Variants in ETV6 observed in about 807,000 individuals in gnomAD.
The protein encoded by ETV6 is ETS variant transcription factor 6.
ETV6 carries 16 observed loss-of-function variants against 51.1 expected under a neutral mutation model. The observed-to-expected ratio is 0.31, with a 90% CI of 0.21 to 0.48. The LOEUF (loss-of-function observed/expected upper bound fraction) is 0.48. ETV6 is among the 20% of genes least tolerant of loss of function. The probability of loss-of-function intolerance (pLI) is 0.99; values close to 1 mark genes in which losing one functional copy is unlikely to be tolerated. For synonymous variants in ETV6, 240 were observed against 224.1 expected, an observed-to-expected ratio of 1.07 and a Z score of -0.64; for missense variants, 458 against 594.8, an observed-to-expected ratio of 0.77 and a Z score of 2.39.
intron 2 of ETV6, among the ~76,000 whole-genome samples, chr12:11,755,518 T>C (rs892911465): frequency 3.9e-5 from 6 of 152,176 alleles, no homozygotes; most frequent in African/African-American, 1.4e-4. Flanking sequence ...CAAATGAGGC[T>C]GAGCTTCTGT....
In ETV6 at chr12:11,784,862, A is replaced by ATTTTTTTTTTTTTTTTTTTT. The variant is rs34004409; in HGVS notation, c.163+32288_163+32307dup. Reference sequence around the variant, plus strand: ...CAAGTGTGCACCCCGTGCCTTGCTAATTTTTTTTTTTTTTTTTTTTTTTTG... The same window carrying ATTTTTTTTTTTTTTTTTTTT: ...CAAGTGTGCACCCCGTGCCTTGCTAATTTTTTTTTTTTTTTTTTTTTTTTTTTTTTTTTTTTTTTTTTTTG... On this transcript the variant is annotated intron_variant, in intron 2 of 7. Coordinates refer to ENST00000396373, the MANE Select transcript of ETV6 (RefSeq NM_001987.5). Among the ~76,000 whole-genome samples, 23 of 85,758 alleles carry ATTTTTTTTTTTTTTTTTTTT rather than the reference A, an allele frequency of 2.7e-4. 3 individuals are homozygous for ATTTTTTTTTTTTTTTTTTTT. Among genetic ancestry groups the ATTTTTTTTTTTTTTTTTTTT allele is most frequent in the African/African-American group, 1.0e-3 (21 of 21,012 alleles). The allele number at this position is 85,758 out of a possible 152,430, so 56.3% of individuals were successfully genotyped here. A position where few individuals can be genotyped will look rare whatever the true frequency, so the allele number is the denominator to read the frequency against.
chr12:11,706,925 T>C (rs963363475), intron 1 of ETV6, among the ~76,000 whole-genome samples: 2 of 152,228 alleles, frequency 1.3e-5, no homozygotes, highest in Non-Finnish European at 2.9e-5. Flanking sequence ...TACTGTCAGG[T>C]AGACCTCTCT....
chr12:11,808,918 C>T (rs1241229654), intron 2 of ETV6, among the ~76,000 whole-genome samples: 2 of 152,174 alleles, frequency 1.3e-5, no homozygotes, highest in East Asian at 3.9e-4. Context: ...AATCCCAGCA[C>T]TTTGGGAGGC....
intron 3 of ETV6, among the ~76,000 whole-genome samples, chr12:11,841,889 C>T (rs922026797): frequency 3.3e-5 from 5 of 151,774 alleles, no homozygotes; most frequent in East Asian, 1.9e-4. Flanking sequence ...GAGACCATCC[C>T]GGCTAAAACG....
chr12:11,880,756 C>T (rs1187140054), intron 5 of ETV6, among the ~76,000 whole-genome samples: 4 of 152,080 alleles, frequency 2.6e-5, no homozygotes, highest in Non-Finnish European at 5.9e-5. Flanking sequence ...TAAAAGACAA[C>T]CAGGTCGTTT....
chr12:11,829,547 T>G (rs1486887474), intron 2 of ETV6, among the ~76,000 whole-genome samples: 2 of 152,162 alleles, frequency 1.3e-5, no homozygotes, highest in Non-Finnish European at 2.9e-5. Context: ...GAAGCAAAAA[T>G]GAGAAGAACT....
At chr12:11,700,326 C>T (rs1247068500) in intron 1 of ETV6, among the ~76,000 whole-genome samples, 1 of 152,190 alleles carries the variant, frequency 6.6e-6, no homozygotes, top group Non-Finnish European at 1.5e-5. Context: ...ATAGCCTTCA[C>T]CCTAGTAGTG....
chr12:11,730,949 C>T (rs1865584150), intron 1 of ETV6, among the ~76,000 whole-genome samples: 1 of 152,162 alleles, frequency 6.6e-6, no homozygotes, highest in South Asian at 2.1e-4. Flanking sequence ...ACATGTTCCC[C>T]AGTGTAACCC....
intron 1 of ETV6, among the ~76,000 whole-genome samples, chr12:11,734,512 T>C (rs11054433): frequency 0.44 from 59,588 of 136,702 alleles, 12,554 homozygotes; most frequent in African/African-American, 0.54. Flanking sequence ...GGGGCTGAGA[T>C]GAGCAAAAAA....
At chr12:11,718,398 G>A (rs1272256795) in intron 1 of ETV6, among the ~76,000 whole-genome samples, 1 of 152,158 alleles carries the variant, frequency 6.6e-6, no homozygotes, top group Non-Finnish European at 1.5e-5. Context: ...GGGACTTGGT[G>A]CAGAATGTAG....
At chr12:11,714,875 A>T (rs1261789844) in intron 1 of ETV6, among the ~76,000 whole-genome samples, 1 of 152,118 alleles carries the variant, frequency 6.6e-6, no homozygotes, top group East Asian at 1.9e-4. Context: ...GTTAGAAGGC[A>T]GTTAAAGGGT....
chr12:11,818,064 G>A (rs1345184641), intron 2 of ETV6, among the ~76,000 whole-genome samples: 1 of 152,202 alleles, frequency 6.6e-6, no homozygotes. Flanking sequence ...AGGGGTGTTG[G>A]GAGGTGTGTA....
rs2710312 is a variant in ETV6 at position 11,883,295 on chromosome 12, T to C, written c.1010-1150T>C. Among the ~76,000 whole-genome samples the C allele has an allele frequency of 1.6e-4, 21 of 131,604 alleles. 2 individuals carry two copies. Among genetic ancestry groups the C allele is most frequent in the Non-Finnish European group, 1.6e-4 (10 of 62,762 alleles). 86.3% of individuals were successfully genotyped at this position (131,604 alleles called of 152,430 possible). The stretch of plus-strand genomic sequence containing the variant: ...CTTCTTCTTTTTTTTTTTTTTTTTT[T>C]TTTTTTTTTTTTTTTTGAGACTGAG... On this transcript the variant is annotated intron_variant, in intron 5 of 7. Transcript: ENST00000396373.
At chr12:11,668,790 G>C (rs931048124) in intron 1 of ETV6, among the ~76,000 whole-genome samples, 5 of 152,176 alleles carry the variant, frequency 3.3e-5, no homozygotes, top group African/African-American at 1.2e-4. Context: ...TGCTACCTCT[G>C]TTAAACAAAG....
intron 2 of ETV6, among the ~76,000 whole-genome samples, chr12:11,771,151 G>A (rs181623521): frequency 3.3e-5 from 5 of 152,330 alleles, no homozygotes; most frequent in South Asian, 2.1e-4. Context: ...ACAGCTTACC[G>A]TGATGAGCAA....
intron 2 of ETV6, among the ~76,000 whole-genome samples, chr12:11,819,821 C>T (rs1380988038): frequency 6.6e-6 from 1 of 152,234 alleles, no homozygotes; most frequent in South Asian, 2.1e-4. Context: ...TCTGACTGGC[C>T]GCCTTGTACC....
intron 1 of ETV6, among the ~76,000 whole-genome samples, chr12:11,690,638 T>C (rs1864737266): frequency 1.3e-5 from 2 of 151,990 alleles, no homozygotes; most frequent in African/African-American, 4.8e-5. Context: ...CGTGTAATCC[T>C]AGCTCTTTGG....
At chr12:11,778,858 A>T (rs1945372471) in intron 2 of ETV6, among the ~76,000 whole-genome samples, 1 of 152,242 alleles carries the variant, frequency 6.6e-6, no homozygotes, top group Admixed American at 6.5e-5. Flanking sequence ...TAGACACATT[A>T]TTCGTTTGTA....
At position 11,805,298 on chromosome 12, in the gene ETV6, C is replaced by T. The variant is rs181472009; in HGVS notation, c.164-33842C>T. The stretch of plus-strand genomic sequence containing the variant: ...TCAGCTGAGTCAGATACCAATTGTC[C>T]GTCTGTTCCAGCTTCCAAAATTTTG... On this transcript the variant is annotated intron_variant, in intron 2 of 7. Coordinates refer to ENST00000396373, the MANE Select transcript of ETV6 (RefSeq NM_001987.5). Among the ~76,000 whole-genome samples the T allele has an allele frequency of 9.2e-5, 14 of 152,246 alleles. No individual in the cohort carries two copies. The East Asian group carries it at 1.7e-3, about 19-fold the overall frequency.
Sources: gnomAD v4.1 joint callset for allele counts (sites outside exome capture counted in the v4.1 genomes callset) on GRCh38, gnomAD v4.1.1 for gene constraint, MANE v1.5 for transcripts, NCBI Gene and HGNC (gene_info 2026-07-23, HGNC 2026-07-21) for gene names.